The following ZNF619 variants were observed in gnomAD, a reference collection of about 807,000 sequenced individuals.
ZNF619 encodes the protein zinc finger protein 619.
Under a neutral mutation model 14.2 loss-of-function variants are expected in ZNF619, and 9 were observed. The observed-to-expected ratio is 0.64, with a 90% CI of 0.38 to 1.11. The LOEUF (loss-of-function observed/expected upper bound fraction) is 1.11. Ranked by LOEUF, ZNF619 falls within the 50% of genes least tolerant of loss-of-function variation. ZNF619 has a pLI of 0.01. For synonymous variants in ZNF619, 246 were observed against 252.8 expected (o/e 0.97, Z 0.26); for missense variants, 659 against 680.1 (o/e 0.97, Z 0.34).
chr3:40,479,317 G>A (rs538779453), intron 2 of ZNF619, among the ~76,000 whole-genome samples: 5 of 152,254 alleles, frequency 3.3e-5, no homozygotes, highest in African/African-American at 1.2e-4. Flanking sequence ...GCAACCTCAA[G>A]TAAAATTAGG....
intron 2 of ZNF619, 42 bp from the exon 3 acceptor site, chr3:40,481,821 C>G (rs770675458): frequency 1.3e-6 from 2 of 1,565,544 alleles, no homozygotes; most frequent in Non-Finnish European, 1.7e-6. Context: ...GTAAATTTAT[C>G]CCTTTCCTGG....
chr3:40,482,385 A>G, intron 3 of ZNF619: 1 of 1,582,808 alleles, frequency 6.3e-7, no homozygotes, highest in Non-Finnish European at 8.6e-7. Context: ...CACACCCCCC[A>G]GTGACTCTGG....
rs913495347 is a variant in ZNF619 at position 40,490,735 on chromosome 3, A to T, written c.*2494A>T. ...TTCTCTAGCTTTATTATAAGAATAT[A>T]GTGTCTAATATGTATAACATAAAAA... is the stretch of plus-strand genomic sequence containing the variant. On this transcript the variant is annotated 3_prime_UTR_variant, in exon 5 of 5. Coordinates refer to ENST00000432264, the MANE Select transcript of ZNF619 (RefSeq NM_001145093.4). 5.3e-5 allele frequency among the ~76,000 whole-genome samples: 8 copies of T among 152,244 alleles called. No individual in the cohort carries two copies. The highest frequency in any genetic ancestry group is 1.0e-4 in the Non-Finnish European group (7 of 68,042).
rs573946648 is a variant in ZNF619, at chr3:40,482,301, C to A, written c.178+285C>A. On this transcript the variant is annotated intron_variant, in intron 3 of 4. Transcript: ENST00000432264. ...GGTTCCTGGTGCACTGTCTTCATTC[C>A]TTCCATCTTCCAGTTCCCTGGAGCT... 127 of 1,552,230 alleles carry A rather than the reference C, an allele frequency of 8.2e-5. No homozygotes were observed. The highest frequency in any genetic ancestry group is 1.1e-4 in the Non-Finnish European group (127 of 1,147,168).
At position 40,481,958 on chromosome 3, in the gene ZNF619, G is replaced by A. The variant is rs527483937; in HGVS notation, c.120G>A (p.Thr40=). 71 of 1,613,526 alleles carry A rather than the reference G, an allele frequency of 4.4e-5. 1 individual carries two copies. In the South Asian group the frequency reaches 5.8e-4, roughly 13 times the overall value. The part of the protein sequence containing the change: ...TQNEWASLHP[T]QRALYREVML... ...ATGAATGGGCCAGCCTGCACCCTAC[G>A]CAGAGGGCCCTATACAGGGAGGTGA... Residue 40 remains threonine (T), a synonymous_variant, in exon 3 of 5, where the codon ACG becomes ACA. Transcript: ENST00000432264.
intron 4 of ZNF619, among the ~76,000 whole-genome samples, chr3:40,485,004 G>A (rs892375853): frequency 6.6e-6 from 1 of 151,798 alleles, no homozygotes; most frequent in Non-Finnish European, 1.5e-5. Flanking sequence ...TTTTGCCTAG[G>A]CCAGTCTCAA....
intron 4 of ZNF619, among the ~76,000 whole-genome samples, chr3:40,483,085 C>G (rs1697460640): frequency 6.6e-6 from 1 of 152,120 alleles, no homozygotes; most frequent in Admixed American, 6.5e-5. Flanking sequence ...TGGCATGTGC[C>G]TATAGTGCCA....
chr3:40,480,863 G>T (rs1299762408), intron 2 of ZNF619, among the ~76,000 whole-genome samples: 3 of 152,152 alleles, frequency 2.0e-5, no homozygotes, highest in South Asian at 2.1e-4. Flanking sequence ...ACAAAGAGAA[G>T]GTTGTTGACA....
At position 40,486,843 on chromosome 3, in the gene ZNF619, A is replaced by G. The variant is rs747181767; in HGVS notation, c.333A>G (p.Ala111=). The G allele has an allele frequency of 6.2e-7, 1 of 1,606,570 alleles. No individual in the cohort carries two copies. The highest frequency in any genetic ancestry group is 1.7e-5 in the Admixed American group (1 of 57,836). Residue 111 remains alanine, a synonymous_variant, in exon 5 of 5, where the codon GCA becomes GCG. Coordinates refer to ENST00000432264, the MANE Select transcript of ZNF619 (RefSeq NM_001145093.4). ...AGACTGAGAATGAGGAAAAAACTGC[A>G]CAGCTAAACATTTCTAAAGAATCAG... ...KTKTENEEKT[A]QLNISKESES...
intron 2 of ZNF619, among the ~76,000 whole-genome samples, chr3:40,478,595 C>G (rs1323285898): frequency 6.6e-6 from 1 of 151,870 alleles, no homozygotes; most frequent in African/African-American, 2.4e-5. Context: ...TAGCTCAATG[C>G]GAAGACGTCA....
At chr3:40,478,136 G>C in intron 2 of ZNF619, 133 bp downstream of exon 2, 1 of 825,650 alleles carries the variant, frequency 1.2e-6, no homozygotes, top group South Asian at 1.7e-5. Context: ...AACAGTATGC[G>C]AGGGGAGTTG....
At chr3:40,485,535 T>C (rs1266032288) in intron 4 of ZNF619, among the ~76,000 whole-genome samples, 1 of 152,150 alleles carries the variant, frequency 6.6e-6, no homozygotes, top group Non-Finnish European at 1.5e-5. Flanking sequence ...ACTCCTGAAA[T>C]CAGGTGATCC....
In ZNF619 at chr3:40,482,684, C is replaced by T; in HGVS notation, c.275C>T (p.Ala92Val). Residue 92 changes from alanine (A) to valine (V), a missense_variant, in exon 4 of 5, where the codon GCC becomes GTC. Physicochemically the swap from Ala to Val is moderately conservative, Grantham distance 64. Coordinates refer to ENST00000432264, the MANE Select transcript of ZNF619 (RefSeq NM_001145093.4). ...CCCTGGACACTTGCTGGGGGAGAGG[C>T]CCTGAGAGGCATGTGCACAGGTGAG... ...PDPWTLAGGEALRGMCTGGKT... is the reference protein window; with the variant it reads ...PDPWTLAGGEVLRGMCTGGKT... 1.9e-6 allele frequency: 3 copies of T among 1,613,732 alleles called. No individual in the cohort carries two copies. The highest frequency in any genetic ancestry group is 2.5e-6 in the Non-Finnish European group (3 of 1,179,814).
intron 2 of ZNF619, 92 bp downstream of exon 2, chr3:40,478,095 T>C (rs1189178928): frequency 4.2e-6 from 5 of 1,185,488 alleles, no homozygotes; most frequent in African/African-American, 1.6e-5. Flanking sequence ...GTCTCATGCT[T>C]AGTTTTACAT....
chr3:40,487,603 A>G lies in ZNF619; in HGVS notation c.1093A>G (p.Ile365Val). 6.2e-7 allele frequency: 1 copy of G among 1,614,116 alleles called. No homozygotes were observed. The highest frequency in any genetic ancestry group is 1.1e-5 in the South Asian group (1 of 91,072). Reference protein sequence around the residue: ...SNSVLIQHQRIHTGEKPYECK... With the variant: ...SNSVLIQHQRVHTGEKPYECK... ...TTCAGTTCTGATTCAGCATCAGAGA[A>G]TCCACACTGGGGAGAAACCTTATGA... The change falls in exon 5 of 5, where the codon ATC becomes GTC. Residue 365 changes from isoleucine to valine, a missense_variant. Transcript: ENST00000432264.
intron 4 of ZNF619, among the ~76,000 whole-genome samples, chr3:40,484,509 CCTTT>C (rs1697515554): frequency 6.6e-6 from 1 of 152,172 alleles, no homozygotes; most frequent in African/African-American, 2.4e-5. Context: ...GGCAAATGCT[CCTTT>C]CTAATTTCCC....
Position 40,487,915 on chromosome 3 carries a change from G to A in ZNF619, c.1405G>A (p.Ala469Thr). ...KECGKAFRWN[A>T]SFIQHQKWHT... ...GTGCGGGAAAGCCTTCAGATGGAATGCAAGTTTCATCCAGCATCAGAAGTG... is the reference window on the plus strand; with the variant it reads ...GTGCGGGAAAGCCTTCAGATGGAATACAAGTTTCATCCAGCATCAGAAGTG... The change falls in exon 5 of 5, where the codon GCA becomes ACA. Residue 469 changes from alanine (A) to threonine (T), a missense_variant. Physicochemically the swap from Ala to Thr is moderately conservative, Grantham distance 58. Transcript: ENST00000432264. The A allele has an allele frequency of 6.2e-7, 1 of 1,614,202 alleles. No homozygotes were observed. The highest frequency in any genetic ancestry group is 8.5e-7 in the Non-Finnish European group (1 of 1,180,032).
chr3:40,486,859 A>C lies in ZNF619; in HGVS notation c.349A>C (p.Lys117Gln). The C allele has an allele frequency of 1.2e-6, 2 of 1,612,428 alleles. No individual in the cohort carries two copies. Among genetic ancestry groups the C allele is most frequent in the East Asian group, 4.5e-5 (2 of 44,888 alleles). ...EEKTAQLNISKESESHRLIVE... is the reference protein window; with the variant it reads ...EEKTAQLNISQESESHRLIVE... ...AAAAACTGCACAGCTAAACATTTCT[A>C]AAGAATCAGAGTCCCACAGACTGAT... Residue 117 changes from lysine to glutamine, a missense_variant, in exon 5 of 5, where the codon AAA (lysine) becomes CAA (glutamine). Coordinates refer to ENST00000432264, the MANE Select transcript of ZNF619 (RefSeq NM_001145093.4).
Position 40,487,902 on chromosome 3 carries a change from C to T in ZNF619, c.1392C>T (p.Ala464=). The stretch of plus-strand genomic sequence containing the variant: ...ATGAGTGTAAGGAGTGCGGGAAAGC[C>T]TTCAGATGGAATGCAAGTTTCATCC... ...KPYECKECGK[A]FRWNASFIQH... Residue 464 remains alanine, a synonymous_variant, in exon 5 of 5, where the codon GCC becomes GCT. Transcript: ENST00000432264. The T allele has an allele frequency of 6.2e-7, 1 of 1,614,196 alleles. No homozygotes were observed. Among genetic ancestry groups the T allele is most frequent in the Admixed American group, 1.7e-5 (1 of 60,024 alleles).
Sources: gnomAD v4.1 joint callset for allele counts (sites outside exome capture counted in the v4.1 genomes callset) on GRCh38, gnomAD v4.1.1 for gene constraint, MANE v1.5 for transcripts, NCBI Gene and HGNC (gene_info 2026-07-23, HGNC 2026-07-21) for gene names.